The following CLN3 variants were observed in gnomAD, a reference collection of about 807,000 sequenced individuals.
CLN3 encodes CLN3 lysosomal/endosomal transmembrane protein, battenin, also known as battenin.
Under a neutral mutation model 60.7 loss-of-function variants are expected in CLN3, and 49 were observed. The observed-to-expected ratio is 0.81, with a 90% CI of 0.64 to 1.02. The LOEUF is 1.02. Among genes scored for constraint, CLN3 ranks in the 50% least tolerant of loss-of-function variants. CLN3 has a pLI of 0.00. For synonymous variants in CLN3, 256 were observed against 245.8 expected (o/e 1.04, Z -0.39); for missense variants, 516 against 557.4 (o/e 0.93, Z 0.75).
downstream of CLN3, among the ~76,000 whole-genome samples, chr16:28,473,031 A>G (rs1268896361): frequency 6.6e-6 from 1 of 151,950 alleles, no homozygotes; most frequent in Non-Finnish European, 1.5e-5. Flanking sequence ...TCGAATTCCT[A>G]GGCTCAAGTG....
Position 28,482,652 on chromosome 16 carries a change from G to A in CLN3, c.811C>T (p.Leu271Phe). 5 of 1,614,186 alleles carry A rather than the reference G, an allele frequency of 3.1e-6. No homozygotes were observed. Among genetic ancestry groups the A allele is most frequent in the Non-Finnish European group, 4.2e-6 (5 of 1,180,032 alleles). Residue 271 changes from leucine (L) to phenylalanine (F), a missense_variant, in exon 11 of 16, where the codon CTT (leucine) becomes TTT (phenylalanine). Physicochemically the swap from Leu to Phe is conservative, Grantham distance 22 (BLOSUM62 0). Transcript: ENST00000636147. ...SKPGSSSSLS[L>F]RERWTVFKGL... is the part of the protein sequence containing the mutation. ...TTGAACACTGTCCACCTTTCCCGAA[G>A]GGAGAGGCTGGAGCTGGAGCCTGCA...
At chr16:28,489,263 T>G (rs752505082) in intron 4 of CLN3, 27 bp downstream of exon 4, 12 of 1,531,008 alleles carry the variant, frequency 7.8e-6, no homozygotes, top group Non-Finnish European at 1.1e-5. Flanking sequence ...GGACTAACCA[T>G]GGTGGTGGTG....
Position 28,484,035 on chromosome 16 carries a change from A to T in CLN3, c.761T>A (p.Ile254Lys). 1 of 1,611,780 alleles carries T rather than the reference A, an allele frequency of 6.2e-7. No individual in the cohort carries two copies. Among genetic ancestry groups the T allele is most frequent in the Non-Finnish European group, 8.5e-7 (1 of 1,179,100 alleles). ...EAESAARQPL[I>K]RTEAPESKPG... ...CTTCGACTCCGGGGCCTCGGTTCTTATGAGGGGCTGCCGGGCTGCGCTCTC... is the reference window on the plus strand; with the variant it reads ...CTTCGACTCCGGGGCCTCGGTTCTTTTGAGGGGCTGCCGGGCTGCGCTCTC... Residue 254 changes from isoleucine to lysine, a missense_variant, in exon 10 of 16, where the codon ATA (isoleucine) becomes AAA (lysine). Physicochemically the swap from Ile to Lys is moderately radical, Grantham distance 102. Coordinates refer to ENST00000636147, the MANE Select transcript of CLN3 (RefSeq NM_001042432.2).
Position 28,491,576 on chromosome 16 carries a change from G to A in CLN3, c.47-16C>T. 6.2e-7 allele frequency: 1 copy of A among 1,614,000 alleles called. No individual in the cohort carries two copies. Among genetic ancestry groups the A allele is most frequent in the Non-Finnish European group, 8.5e-7 (1 of 1,179,964 alleles). ...GTCTCCTCCCCTGGGAGAGCGAGAA[G>A]AGGGCATGACCCCCACCTACTCTCA... On this transcript the variant is annotated splice_polypyrimidine_tract_variant and intron_variant, in intron 2 of 15. Transcript: ENST00000636147.
At chr16:28,472,701 G>A (rs1472977615), downstream of CLN3, among the ~76,000 whole-genome samples, 1 of 151,234 alleles carries the variant, frequency 6.6e-6, no homozygotes, top group African/African-American at 2.4e-5. Flanking sequence ...AATTAGCTGG[G>A]TGTGGTGGCA....
intron 10 of CLN3, among the ~76,000 whole-genome samples, chr16:28,483,200 C>T (rs1196498389): frequency 1.3e-5 from 2 of 152,030 alleles, no homozygotes; most frequent in African/African-American, 4.8e-5. Context: ...CAGGTGAGAC[C>T]TCTTCACGTC....
intron 4 of CLN3, among the ~76,000 whole-genome samples, chr16:28,489,007 T>C (rs1391967751): frequency 6.6e-6 from 1 of 152,186 alleles, no homozygotes; most frequent in African/African-American, 2.4e-5. Context: ...CTTCAAGCAA[T>C]TCTCCTGCCT....
In CLN3 at chr16:28,477,310, G is replaced by A. The variant is rs940120503; in HGVS notation, c.*206C>T. ...GATAAAATCGGCATTTATTCAGAAGGCATGATGCCAGGAAGAAACTCCCCA... is the reference window on the plus strand; with the variant it reads ...GATAAAATCGGCATTTATTCAGAAGACATGATGCCAGGAAGAAACTCCCCA... On this transcript the variant is annotated 3_prime_UTR_variant, in exon 16 of 16. Transcript: ENST00000636147. The A allele has an allele frequency of 1.6e-6, 1 of 637,760 alleles. No individual in the cohort carries two copies. Among genetic ancestry groups the A allele is most frequent in the Non-Finnish European group, 2.7e-6 (1 of 364,560 alleles). 39.5% of individuals were successfully genotyped at this position (637,760 alleles called of 1,614,324 possible). A position where few individuals can be genotyped will look rare whatever the true frequency, so the allele number is the denominator to read the frequency against.
At chr16:28,487,427 C>G in intron 7 of CLN3, 29 bp downstream of exon 7, 1 of 1,575,730 alleles carries the variant, frequency 6.3e-7, no homozygotes, top group Non-Finnish European at 8.7e-7. Context: ...CCTCGGGGCT[C>G]CCCATCTGAC....
At position 28,489,306 on chromosome 16, in the gene CLN3, G is replaced by C. The variant is rs769840061; in HGVS notation, c.206C>G (p.Ser69Trp). The change falls in exon 4 of 16, where the codon TCG becomes TGG. Residue 69 changes from serine (S) to tryptophan (W), a missense_variant. Transcript: ENST00000636147. ...AHDILSHKRT[S>W]GNQSHVDPGP... Reference sequence around the variant, plus strand: ...GTCACTTACATGGCTCTGGTTTCCCGATGTCCTCTTGTGGCTAAGGATGTC... The same window carrying C: ...GTCACTTACATGGCTCTGGTTTCCCCATGTCCTCTTGTGGCTAAGGATGTC... The C allele has an allele frequency of 1.1e-5, 17 of 1,612,934 alleles. No individual in the cohort carries two copies. Among genetic ancestry groups the C allele is most frequent in the Non-Finnish European group, 1.4e-5 (17 of 1,179,498 alleles).
At chr16:28,484,191 T>A in intron 9 of CLN3, 73 bp from the exon 10 acceptor site, 4 of 1,072,244 alleles carry the variant, frequency 3.7e-6, no homozygotes, top group South Asian at 2.7e-5. Context: ...TCTAGGCCAC[T>A]TTTCCCAGGG....
At chr16:28,486,905 T>A in intron 7 of CLN3, 1 of 560,304 alleles carries the variant, frequency 1.8e-6, no homozygotes, top group Non-Finnish European at 3.2e-6. Context: ...CCTTCATCAG[T>A]CTTTTTCTTT....
At chr16:28,485,240 G>A (rs1025827516) in intron 9 of CLN3, among the ~76,000 whole-genome samples, 1 of 148,336 alleles carries the variant, frequency 6.7e-6, no homozygotes, top group African/African-American at 2.5e-5. Flanking sequence ...ACCATGCCCG[G>A]CCAAAGTGTT....
chr16:28,481,452 A>ACACACACG (rs899235845), intron 14 of CLN3, among the ~76,000 whole-genome samples: 29 of 117,820 alleles, frequency 2.5e-4, no homozygotes, highest in African/African-American at 8.9e-4. Context: ...ACACACACAC[A>ACACACACG]CGCACACACA....
intron 7 of CLN3, 72 bp downstream of exon 7, chr16:28,487,384 G>C: frequency 8.1e-7 from 1 of 1,241,026 alleles, no homozygotes; most frequent in Non-Finnish European, 1.2e-6. Flanking sequence ...GGGAGGCTGG[G>C]GAGACTCTTC....
rs749503213 is a variant in CLN3 at position 28,488,637 on chromosome 16, G to A, written c.248C>T (p.Pro83Leu). The stretch of plus-strand genomic sequence containing the variant: ...GTCAAATCGTGATGAGCTGTTGTGG[G>A]GGATCGGCGTTGGGCCTGGGTCCAC... ...SHVDPGPTPI[P>L]HNSSSRFDCN... Residue 83 changes from proline (P) to leucine (L), a missense_variant, in exon 5 of 16, where the codon CCC becomes CTC. Coordinates refer to ENST00000636147, the MANE Select transcript of CLN3 (RefSeq NM_001042432.2). 7.4e-6 allele frequency: 12 copies of A among 1,614,076 alleles called. No individual in the cohort carries two copies.
chr16:28,473,475 C>T (rs1042324766), downstream of CLN3, among the ~76,000 whole-genome samples: 2 of 152,046 alleles, frequency 1.3e-5, no homozygotes, highest in African/African-American at 4.8e-5. Context: ...GCAAACCTCC[C>T]GCCTTGGCCT....
intron 4 of CLN3, among the ~76,000 whole-genome samples, 168 bp downstream of exon 4, chr16:28,489,122 G>A (rs932328958): frequency 6.6e-6 from 1 of 151,890 alleles, no homozygotes; most frequent in Admixed American, 6.6e-5. Context: ...GGCTGGTCTC[G>A]AACTCCTGAC....
In CLN3 at chr16:28,487,758, G is replaced by A. The variant is rs375311626; in HGVS notation, c.295-17C>T. 33 of 1,603,876 alleles carry A rather than the reference G, an allele frequency of 2.1e-5. No homozygotes were observed. In the African/African-American group the frequency reaches 2.4e-4, roughly 12 times the overall value. On this transcript the variant is annotated splice_polypyrimidine_tract_variant and intron_variant, in intron 5 of 15. Transcript: ENST00000636147. Reference sequence around the variant, plus strand: ...GAGCACAGCCTGGGACAGGAGAATAGAGTGAGACCGCAGAGCTTCCAGGGG... The same window carrying A: ...GAGCACAGCCTGGGACAGGAGAATAAAGTGAGACCGCAGAGCTTCCAGGGG...
Sources: gnomAD v4.1 joint callset for allele counts (sites outside exome capture counted in the v4.1 genomes callset) on GRCh38, gnomAD v4.1.1 for gene constraint, MANE v1.5 for transcripts, NCBI Gene and HGNC (gene_info 2026-07-23, HGNC 2026-07-21) for gene names.